Variants in TENM1 observed in about 807,000 individuals in gnomAD.
The protein encoded by TENM1 is teneurin transmembrane protein 1.
In TENM1, 35 loss-of-function variants were observed where a neutral mutation model predicts 174.8. The observed-to-expected ratio is 0.20, with a 90% CI of 0.15 to 0.27. The LOEUF is 0.27. TENM1 is among the 10% of genes least tolerant of loss of function. The probability of loss-of-function intolerance (pLI) is 1.00; values close to 1 mark genes in which losing one functional copy is unlikely to be tolerated. For missense variants in TENM1, 1,633 were observed against 2,130.1 expected (o/e 0.77, Z 4.59); for synonymous variants, 781 against 798.7 (o/e 0.98, Z 0.37).
At chrX:125,028,413 C>T in the TENM1 span, among the ~76,000 whole-genome samples, 12 of 111,853 alleles carry the variant, frequency 1.1e-4, no homozygotes, top group African/African-American at 3.6e-4. Context: ...AATTATCCTT[C>T]GCAAACTAAT....
chrX:124,704,674 G>A, intron 5 of TENM1, among the ~76,000 whole-genome samples: 1 of 111,335 alleles, frequency 9.0e-6, no homozygotes, highest in East Asian at 2.8e-4. Flanking sequence ...TTGTTTAACT[G>A]TAATTTAAGA....
chrX:125,119,260 G>A, the TENM1 span, among the ~76,000 whole-genome samples: 8 of 111,580 alleles, frequency 7.2e-5, no homozygotes, highest in African/African-American at 2.6e-4. Flanking sequence ...GGTACAATGT[G>A]ATGTAATGAT....
the TENM1 span, among the ~76,000 whole-genome samples, chrX:125,193,145 G>C: frequency 2.7e-5 from 3 of 109,698 alleles, no homozygotes; most frequent in African/African-American, 6.6e-5. Flanking sequence ...TCTCTTGAAG[G>C]CTCCTCTTAT....
chrX:124,391,694 A>G (rs146267720), intron 28 of TENM1, among the ~76,000 whole-genome samples: 5,581 of 111,857 alleles, frequency 0.05, 291 homozygotes, highest in African/African-American at 0.15. Context: ...ACCAGAGCTG[A>G]GTACATTAAC....
At chrX:124,635,169 A>G (rs1246197602) in intron 11 of TENM1, among the ~76,000 whole-genome samples, 1 of 111,640 alleles carries the variant, frequency 9.0e-6, no homozygotes, top group Non-Finnish European at 1.9e-5. Context: ...AGTGTTGGAA[A>G]AGACCTCATG....
intron 27 of TENM1, among the ~76,000 whole-genome samples, chrX:124,398,809 T>C (rs1453035832): frequency 2.7e-5 from 3 of 111,187 alleles, no homozygotes; most frequent in Non-Finnish European, 3.8e-5. Flanking sequence ...CCCCCAAAAC[T>C]TCTCATTTCC....
chrX:124,642,009 T>TG lies in TENM1; in HGVS notation c.1877-19dup, dbSNP rs748379988. ...GCAGTCCTCTGAAGGCACAAAAAAG[T>TG]GGGGGGGAGGGGTGATTAATAGTGA... is the stretch of plus-strand genomic sequence containing the variant. On this transcript the variant is annotated intron_variant, in intron 10 of 31. Coordinates refer to ENST00000422452, the Ensembl canonical transcript of TENM1. 162 of 1,170,138 alleles carry TG rather than the reference T, an allele frequency of 1.4e-4. No homozygotes were observed. Among genetic ancestry groups the TG allele is most frequent in the Admixed American group, 1.3e-3 (58 of 45,612 alleles).
At chrX:124,926,607 C>T (rs938629132) in intron 1 of TENM1, among the ~76,000 whole-genome samples, 2 of 111,352 alleles carry the variant, frequency 1.8e-5, no homozygotes, top group Middle Eastern at 4.6e-3. Context: ...ACTGCCTGAC[C>T]CATAATAGGT....
At position 124,926,344 on chromosome X, in the gene TENM1, A is replaced by G. The variant is rs5911919; in HGVS notation, c.218-30103T>C. Among the ~76,000 whole-genome samples, 562 of 112,058 alleles carry G rather than the reference A, an allele frequency of 5.0e-3. 2 individuals are homozygous for G. Among genetic ancestry groups the G allele is most frequent in the South Asian group, 0.012 (33 of 2,675 alleles). The stretch of plus-strand genomic sequence containing the variant: ...AAGATAACAATACCTGTTGCATAGG[A>G]TGCTTGTGAAGATTTATAAATAAAA... On this transcript the variant is annotated intron_variant, in intron 1 of 31. Coordinates refer to ENST00000422452, the Ensembl canonical transcript of TENM1.
intron 3 of TENM1, among the ~76,000 whole-genome samples, chrX:124,850,094 T>C (rs962511151): frequency 8.9e-6 from 1 of 111,867 alleles, no homozygotes; most frequent in Non-Finnish European, 1.9e-5. Context: ...ATACCAGGAT[T>C]TATACCCAAA....
chrX:124,854,406 G>C (rs1319047634), intron 3 of TENM1, among the ~76,000 whole-genome samples: 1 of 111,165 alleles, frequency 9.0e-6, no homozygotes, highest in Non-Finnish European at 1.9e-5. Flanking sequence ...AGGGTACACT[G>C]CTCAGGTGAC....
intron 31 of TENM1, among the ~76,000 whole-genome samples, chrX:124,381,823 G>T (rs759113637): frequency 5.4e-5 from 6 of 110,962 alleles, no homozygotes; most frequent in Middle Eastern, 4.7e-3. Context: ...AACATACTAA[G>T]AAATAAAGAG....
intron 2 of TENM1, 109 bp from the exon 6 acceptor site, chrX:124,894,461 A>T: frequency 2.0e-6 from 1 of 511,371 alleles, no homozygotes; most frequent in Non-Finnish European, 3.3e-6. Context: ...ACCCAGCTTT[A>T]TTGCAATATA....
the TENM1 span, among the ~76,000 whole-genome samples, chrX:124,973,652 TTC>T: frequency 1.9e-3 from 214 of 112,030 alleles, no homozygotes; most frequent in Non-Finnish European, 3.6e-3. Flanking sequence ...AGGTATTTTA[TTC>T]TCTTTGTAGC....
At chrX:124,398,231 AAAAAAAGTCACAGTTGATCTT>A (rs1237289296) in intron 27 of TENM1, among the ~76,000 whole-genome samples, 1 of 110,476 alleles carries the variant, frequency 9.1e-6, no homozygotes, top group Non-Finnish European at 1.9e-5. Flanking sequence ...CTTAAAAAAA[AAAAAAAGTCACAGTTGATCTT>A]AAAAAGTACC....
chrX:124,903,711 A>G (rs891799513), intron 1 of TENM1, among the ~76,000 whole-genome samples: 15 of 112,104 alleles, frequency 1.3e-4, no homozygotes, highest in African/African-American at 4.5e-4. Context: ...ATTTGTAATA[A>G]GAGTCTGGAA....
the TENM1 span, among the ~76,000 whole-genome samples, chrX:125,059,585 C>T: frequency 2.7e-5 from 3 of 110,975 alleles, no homozygotes; most frequent in Non-Finnish European, 5.7e-5. Context: ...GTACTCTGAC[C>T]GACATCTCCT....
the TENM1 span, among the ~76,000 whole-genome samples, chrX:125,063,349 A>G: frequency 8.9e-6 from 1 of 112,065 alleles, no homozygotes. Flanking sequence ...ACTTTGAGGC[A>G]CTTAGAAAGA....
intron 3 of TENM1, among the ~76,000 whole-genome samples, chrX:124,807,918 C>G (rs868373966): frequency 1.1e-5 from 1 of 93,043 alleles, no homozygotes; most frequent in African/African-American, 3.8e-5. Flanking sequence ...CACACACACA[C>G]AGAGGAAGGA....
Sources: allele counts gnomAD v4.1 joint callset (sites outside exome capture counted in the v4.1 genomes callset), GRCh38; gene constraint gnomAD v4.1.1; transcripts MANE v1.5; gene names NCBI Gene and HGNC (gene_info 2026-07-23, HGNC 2026-07-21).